RALYL: variants seen among roughly 807,000 people sequenced by gnomAD.
RALYL encodes the protein RNA-binding Raly-like protein.
A neutral mutation model predicts 35.1 loss-of-function variants in RALYL; 29 were observed. The observed-to-expected ratio is 0.83, with a 90% CI of 0.61 to 1.13. The LOEUF (loss-of-function observed/expected upper bound fraction) is 1.13, where lower values mean the gene tolerates loss of function less well. Among genes scored for constraint, RALYL ranks in the 50% most tolerant of loss-of-function variants. The pLI is 0.00. For missense variants in RALYL, 359 were observed against 360.4 expected (o/e 1.00, Z 0.03); for synonymous variants, 120 against 127.6 (o/e 0.94, Z 0.40).
At chr8:84,391,531 T>C (rs917610233) in intron 1 of RALYL, among the ~76,000 whole-genome samples, 5 of 152,060 alleles carry the variant, frequency 3.3e-5, no homozygotes, top group African/African-American at 1.2e-4. Context: ...CATTGTACTA[T>C]TTACCTCCAA....
chr8:84,280,039 T>A (rs1836236474), intron 1 of RALYL, among the ~76,000 whole-genome samples: 2 of 152,182 alleles, frequency 1.3e-5, no homozygotes, highest in Non-Finnish European at 2.9e-5. Flanking sequence ...GATTGGATGT[T>A]CATGGTTGGT....
At chr8:84,877,908 G>A (rs771551681) in intron 7 of RALYL, among the ~76,000 whole-genome samples, 8 of 152,062 alleles carry the variant, frequency 5.3e-5, no homozygotes, top group South Asian at 4.2e-4. Context: ...TGATGCTTCC[G>A]GTTAAAGATG....
intron 6 of RALYL, among the ~76,000 whole-genome samples, chr8:84,868,035 A>ATGTT (rs1452251723): frequency 6.6e-6 from 1 of 151,836 alleles, no homozygotes; most frequent in African/African-American, 2.4e-5. Flanking sequence ...AATTAGTTAC[A>ATGTT]TGTTTCTTGT....
intron 1 of RALYL, among the ~76,000 whole-genome samples, chr8:84,230,251 G>A (rs7842119): frequency 0.57 from 86,563 of 151,750 alleles, 24,962 homozygotes; most frequent in Admixed American, 0.65. Flanking sequence ...TTAAGGAAAT[G>A]TGTATTTCAT....
chr8:84,518,311 T>G (rs982901989), intron 1 of RALYL, among the ~76,000 whole-genome samples: 12 of 152,160 alleles, frequency 7.9e-5, no homozygotes, highest in Admixed American at 3.9e-4. Context: ...TTCCAAAGTT[T>G]TAGGGAAATT....
At chr8:84,718,628 G>A (rs1322879818) in intron 2 of RALYL, among the ~76,000 whole-genome samples, 1 of 151,964 alleles carries the variant, frequency 6.6e-6, no homozygotes, top group African/African-American at 2.4e-5. Context: ...AGCTGGGCGT[G>A]GTGGTGCATG....
intron 2 of RALYL, among the ~76,000 whole-genome samples, chr8:84,753,204 A>G (rs1810498386): frequency 6.6e-6 from 1 of 152,188 alleles, no homozygotes. Context: ...TCAGAATTGC[A>G]GGGGGCCTGT....
intron 1 of RALYL, among the ~76,000 whole-genome samples, chr8:84,507,261 C>T (rs191161747): frequency 2.0e-5 from 3 of 152,170 alleles, no homozygotes; most frequent in African/African-American, 7.2e-5. Flanking sequence ...TTCTTATTGA[C>T]TGCAGGTACA....
At chr8:84,688,269 G>T (rs887263483) in intron 2 of RALYL, among the ~76,000 whole-genome samples, 1 of 151,804 alleles carries the variant, frequency 6.6e-6, no homozygotes, top group Admixed American at 6.6e-5. Context: ...AGAATGTTAG[G>T]TGACAAAATA....
intron 2 of RALYL, among the ~76,000 whole-genome samples, chr8:84,657,490 C>A (rs1182486827): frequency 6.6e-6 from 1 of 152,152 alleles, no homozygotes; most frequent in Non-Finnish European, 1.5e-5. Flanking sequence ...CATGTGCATA[C>A]CTTTCTCCTC....
intron 2 of RALYL, among the ~76,000 whole-genome samples, chr8:84,627,230 C>G (rs1248375885): frequency 6.6e-6 from 1 of 151,608 alleles, no homozygotes; most frequent in African/African-American, 2.4e-5. Context: ...AATAATCCCT[C>G]CTATTTTTTC....
At chr8:84,690,503 T>G (rs143264335) in intron 2 of RALYL, among the ~76,000 whole-genome samples, 145 of 152,204 alleles carry the variant, frequency 9.5e-4, no homozygotes, top group African/African-American at 3.2e-3. Context: ...AGACCTTAAA[T>G]GGTCTCATCA....
rs148557102 is a variant in RALYL, at chr8:84,472,058, T to G, written c.-23-57241T>G. Among the ~76,000 whole-genome samples, 226 of 152,328 alleles carry G rather than the reference T, an allele frequency of 1.5e-3. 2 individuals are homozygous for G. Among genetic ancestry groups the G allele is most frequent in the African/African-American group, 4.7e-3 (196 of 41,578 alleles). On this transcript the variant is annotated intron_variant, in intron 1 of 8. Coordinates refer to ENST00000521268, the MANE Select transcript of RALYL (RefSeq NM_173848.7). ...ATTCATAAAATAGTATGAATAGTAC[T>G]TTATTTTTTTATCGTTTAATCTAAA...
rs115285678 is a variant in RALYL, at chr8:84,513,160, G to A, written c.-23-16139G>A. Among the ~76,000 whole-genome samples the A allele has an allele frequency of 3.0e-3, 451 of 152,146 alleles. 4 individuals carry two copies. Among genetic ancestry groups the A allele is most frequent in the African/African-American group, 9.8e-3 (406 of 41,496 alleles). ...TTTCATTCAATGAGCATGAAATGTC[G>A]TCCATTTTTTTGTGTGTGTTCTCTT... is the stretch of plus-strand genomic sequence containing the variant. On this transcript the variant is annotated intron_variant, in intron 1 of 8. Transcript: ENST00000521268.
intron 1 of RALYL, among the ~76,000 whole-genome samples, chr8:84,339,409 A>G (rs755803453): frequency 6.6e-6 from 1 of 151,778 alleles, no homozygotes; most frequent in Non-Finnish European, 1.5e-5. Flanking sequence ...TTCTCATAGG[A>G]GCATGAATCC....
intron 1 of RALYL, among the ~76,000 whole-genome samples, chr8:84,286,645 C>T (rs192954379): frequency 6.6e-6 from 1 of 152,282 alleles, no homozygotes; most frequent in Admixed American, 6.5e-5. Flanking sequence ...TAAATCAATA[C>T]ATGGAGACTA....
intron 2 of RALYL, among the ~76,000 whole-genome samples, chr8:84,628,103 G>A (rs1182765139): frequency 6.6e-6 from 1 of 152,072 alleles, no homozygotes; most frequent in Non-Finnish European, 1.5e-5. Context: ...ACTGTTAGAT[G>A]CAGAGTACAA....
At chr8:84,699,484 G>A (rs1399232966) in intron 2 of RALYL, among the ~76,000 whole-genome samples, 1 of 152,066 alleles carries the variant, frequency 6.6e-6, no homozygotes, top group African/African-American at 2.4e-5. Context: ...AGTATCTTGT[G>A]AGGGCCTTCT....
At chr8:84,380,059 G>GTA (rs1857666808) in intron 1 of RALYL, among the ~76,000 whole-genome samples, 1 of 133,232 alleles carries the variant, frequency 7.5e-6, no homozygotes, top group Admixed American at 7.3e-5. Flanking sequence ...TCTCAAAATT[G>GTA]TGTGTGTGTG....
Sources: gnomAD v4.1 joint callset for allele counts (sites outside exome capture counted in the v4.1 genomes callset) on GRCh38, gnomAD v4.1.1 for gene constraint, MANE v1.5 for transcripts, NCBI Gene and HGNC (gene_info 2026-07-23, HGNC 2026-07-21) for gene names.